The following TTI1 variants were observed in gnomAD, a reference collection of about 807,000 sequenced individuals.
The protein encoded by TTI1 is TELO2 interacting protein 1.
Under a neutral mutation model 85.4 loss-of-function variants are expected in TTI1, and 52 were observed. That is an observed-to-expected ratio of 0.61 (90% CI 0.49 to 0.77). TTI1 has a LOEUF of 0.77. Ranked by LOEUF, TTI1 falls within the 30% of genes least tolerant of loss-of-function variation. The pLI, the probability that TTI1 is intolerant of heterozygous loss-of-function variation, is 0.00. For synonymous variants in TTI1, 512 were observed against 503.9 expected, an observed-to-expected ratio of 1.02 and a Z score of -0.22; for missense variants, 1,173 against 1,296.0, an observed-to-expected ratio of 0.91 and a Z score of 1.46.
At chr20:38,002,835 A>T in intron 3 of TTI1, 59 bp from the exon 4 acceptor site, 1 of 1,593,550 alleles carries the variant, frequency 6.3e-7, no homozygotes, top group East Asian at 2.3e-5. Flanking sequence ...GAGATACCTA[A>T]ATTTCTGTTC....
At chr20:38,027,101 T>C (rs1204811459) in intron 1 of TTI1, among the ~76,000 whole-genome samples, 1 of 152,036 alleles carries the variant, frequency 6.6e-6, no homozygotes, top group Non-Finnish European at 1.5e-5. Context: ...AGAAAGCAGA[T>C]AAATGAAAAA....
chr20:38,012,812 G>C lies in TTI1; in HGVS notation c.1005C>G (p.Ala335=). 1 of 1,614,192 alleles carries C rather than the reference G, an allele frequency of 6.2e-7. No individual in the cohort carries two copies. The highest frequency in any genetic ancestry group is 8.5e-7 in the Non-Finnish European group (1 of 1,180,044). Reference sequence around the variant, plus strand: ...TCTCATCATTTACTAGTCCCACTAAGGCCTTCAGAAGGGGACCAGCACATT... The same window carrying C: ...TCTCATCATTTACTAGTCCCACTAACGCCTTCAGAAGGGGACCAGCACATT... The part of the protein sequence containing the change: ...LVECAGPLLK[A]LVGLVNDESP... Residue 335 remains alanine, a synonymous_variant, in exon 2 of 8, where the codon GCC becomes GCG. Coordinates refer to ENST00000373447, the MANE Select transcript of TTI1 (RefSeq NM_001303457.2).
chr20:37,998,595 CAT>C (rs1433582823), intron 5 of TTI1, among the ~76,000 whole-genome samples: 3 of 152,162 alleles, frequency 2.0e-5, no homozygotes, highest in Admixed American at 6.5e-5. Context: ...TAATACCTTA[CAT>C]ATATATAGGA....
intron 4 of TTI1, among the ~76,000 whole-genome samples, chr20:37,999,904 C>A (rs1158701367): frequency 6.6e-6 from 1 of 152,096 alleles, no homozygotes; most frequent in Non-Finnish European, 1.5e-5. Flanking sequence ...GGGGAGCCGT[C>A]AAAGTGTTTT....
chr20:37,984,352 C>G (rs1415087057), intron 7 of TTI1, among the ~76,000 whole-genome samples: 1 of 152,218 alleles, frequency 6.6e-6, no homozygotes, highest in African/African-American at 2.4e-5. Flanking sequence ...TGACGCATGA[C>G]AGGGACAGAG....
rs541294011 is a variant in TTI1 at position 37,983,252 on chromosome 20, A to G, written c.*204T>C. 16 of 551,020 alleles carry G rather than the reference A, an allele frequency of 2.9e-5. No individual in the cohort carries two copies. The highest frequency in any genetic ancestry group is 2.7e-4 in the African/African-American group (14 of 51,580). 34.1% of individuals were successfully genotyped at this position (551,020 alleles called of 1,614,324 possible). A position where few individuals can be genotyped will look rare whatever the true frequency, so the allele number is the denominator to read the frequency against. On this transcript the variant is annotated 3_prime_UTR_variant, in exon 8 of 8. Transcript: ENST00000373447. ...CCAGACAATGTCACTTGACAACACA[A>G]GGTATGAAACATAAATAATAGTCAG...
At chr20:38,026,553 C>G (rs2073838755) in intron 1 of TTI1, among the ~76,000 whole-genome samples, 1 of 152,140 alleles carries the variant, frequency 6.6e-6, no homozygotes, top group Admixed American at 6.5e-5. Flanking sequence ...AACAAACAGT[C>G]AACGCAGAAC....
chr20:38,024,836 G>A (rs1032965644), intron 1 of TTI1, among the ~76,000 whole-genome samples: 1 of 152,144 alleles, frequency 6.6e-6, no homozygotes, highest in East Asian at 1.9e-4. Flanking sequence ...GAGACCACAC[G>A]GGGAGCCTAA....
chr20:38,000,087 G>A (rs1193139922), intron 4 of TTI1, among the ~76,000 whole-genome samples: 1 of 152,148 alleles, frequency 6.6e-6, no homozygotes, highest in African/African-American at 2.4e-5. Flanking sequence ...TGAAAGGACT[G>A]GATATCTGTT....
In TTI1 at chr20:37,997,049, T is replaced by C. The variant is rs564594408; in HGVS notation, c.2794-96A>G. ...AATTCGATTTCATCTAGGTCTCTGCTTGGGGGAAAAAAAAAATAGAATTAC... is the reference window on the plus strand; with the variant it reads ...AATTCGATTTCATCTAGGTCTCTGCCTGGGGGAAAAAAAAAATAGAATTAC... On this transcript the variant is annotated intron_variant, in intron 5 of 7. Transcript: ENST00000373447. The C allele has an allele frequency of 5.3e-5, 70 of 1,317,846 alleles. No individual in the cohort carries two copies. In the African/African-American group the frequency reaches 9.9e-4, roughly 19 times the overall value. 81.6% of individuals were successfully genotyped at this position (1,317,846 alleles called of 1,614,324 possible).
At chr20:37,998,862 A>AATT (rs1283788603) in intron 5 of TTI1, among the ~76,000 whole-genome samples, 5 of 152,158 alleles carry the variant, frequency 3.3e-5, no homozygotes, top group Non-Finnish European at 5.9e-5. Flanking sequence ...ATTGTGAGAA[A>AATT]ATTCCTTAAC....
At chr20:38,020,894 G>T (rs1390965621) in intron 1 of TTI1, among the ~76,000 whole-genome samples, 1 of 152,182 alleles carries the variant, frequency 6.6e-6, no homozygotes, top group African/African-American at 2.4e-5. Context: ...TTCAATGCTG[G>T]TGGGCGTATA....
rs563768078 is a variant in TTI1, at chr20:37,996,653, G to A, written c.2998+96C>T. The A allele has an allele frequency of 2.1e-6, 3 of 1,434,914 alleles. No individual in the cohort carries two copies. In the South Asian group the frequency reaches 3.9e-5, roughly 18 times the overall value. The allele number at this position is 1,434,914 out of a possible 1,614,324, so 88.9% of individuals were successfully genotyped here. On this transcript the variant is annotated intron_variant, in intron 6 of 7. Coordinates refer to ENST00000373447, the MANE Select transcript of TTI1 (RefSeq NM_001303457.2). ...ATAAGACGGAAGGAGGTACACAGAG[G>A]GGAGGGGAGGGGGGCACGACTGAGC...
At chr20:37,983,699 C>T (rs1346250656) in intron 7 of TTI1, 60 bp from the exon 8 acceptor site, 2 of 1,366,136 alleles carry the variant, frequency 1.5e-6, no homozygotes, top group Admixed American at 6.3e-5. Context: ...GGGAATGCTA[C>T]AGCCCCAACC....
In TTI1 at chr20:38,006,312, T is replaced by C. The variant is rs762187493; in HGVS notation, c.2388A>G (p.Pro796=). ...GEEGSHLNQR[P]AALEKSTTTA... Reference sequence around the variant, plus strand: ...TGGTGGTGCTCTTCTCAAGAGCTGCTGGTCTTTGGTTCAAATGACTTCCCT... The same window carrying C: ...TGGTGGTGCTCTTCTCAAGAGCTGCCGGTCTTTGGTTCAAATGACTTCCCT... Residue 796 remains proline, a synonymous_variant, in exon 3 of 8, where the codon CCA becomes CCG. Coordinates refer to ENST00000373447, the MANE Select transcript of TTI1 (RefSeq NM_001303457.2). The C allele has an allele frequency of 3.7e-6, 6 of 1,614,130 alleles. No individual in the cohort carries two copies. Among genetic ancestry groups the C allele is most frequent in the Non-Finnish European group, 5.1e-6 (6 of 1,180,060 alleles).
intron 7 of TTI1, among the ~76,000 whole-genome samples, chr20:37,989,858 A>G (rs1470577127): frequency 6.6e-6 from 1 of 152,260 alleles, no homozygotes; most frequent in Non-Finnish European, 1.5e-5. Flanking sequence ...CTTCAGAAAC[A>G]GCTCTAGGAA....
rs192121072 is a variant in TTI1, at chr20:38,013,754, G to A, written c.63C>T (p.Leu21=). 211 of 1,614,138 alleles carry A rather than the reference G, an allele frequency of 1.3e-4. No individual in the cohort carries two copies. In the Admixed American group the frequency reaches 3.5e-3, roughly 27 times the overall value. ...CATTCTCCACTGTCTGGGTCTTTGTGAGCTGAACACAGACTGGACGTAAGA... is the reference window on the plus strand; with the variant it reads ...CATTCTCCACTGTCTGGGTCTTTGTAAGCTGAACACAGACTGGACGTAAGA... The part of the protein sequence containing the change: ...FGVLRPVCVQ[L]TKTQTVENVE... The change falls in exon 2 of 8, where the codon CTC becomes CTT. Residue 21 remains leucine, a synonymous_variant. Coordinates refer to ENST00000373447, the MANE Select transcript of TTI1 (RefSeq NM_001303457.2).
At chr20:37,989,776 C>T (rs1350782058) in intron 7 of TTI1, among the ~76,000 whole-genome samples, 1 of 152,262 alleles carries the variant, frequency 6.6e-6, no homozygotes, top group Non-Finnish European at 1.5e-5. Flanking sequence ...TAGGCTTGCC[C>T]ACCTCCTGCC....
Position 38,013,710 on chromosome 20 carries a change from C to T in TTI1, c.107G>A (p.Arg36Gln). 3 of 1,614,132 alleles carry T rather than the reference C, an allele frequency of 1.9e-6. No individual in the cohort carries two copies. The highest frequency in any genetic ancestry group is 2.5e-6 in the Non-Finnish European group (3 of 1,180,020). Residue 36 changes from arginine (R) to glutamine (Q), a missense_variant, in exon 2 of 8, where the codon CGA becomes CAA. Physicochemically the swap from Arg to Gln is conservative, Grantham distance 43. Coordinates refer to ENST00000373447, the MANE Select transcript of TTI1 (RefSeq NM_001303457.2). ...GGCACTGTCACTCACAGCTTGTAGTCGTGTCTGCAGATGCTCCACATTCTC... is the reference window on the plus strand; with the variant it reads ...GGCACTGTCACTCACAGCTTGTAGTTGTGTCTGCAGATGCTCCACATTCTC... Reference protein sequence around the residue: ...TVENVEHLQTRLQAVSDSALQ... With the variant: ...TVENVEHLQTQLQAVSDSALQ...
Sources: gnomAD v4.1 joint callset for allele counts (sites outside exome capture counted in the v4.1 genomes callset) on GRCh38, gnomAD v4.1.1 for gene constraint, MANE v1.5 for transcripts, NCBI Gene and HGNC (gene_info 2026-07-23, HGNC 2026-07-21) for gene names.